Variants in CMTM1 observed in about 807,000 individuals in gnomAD.
The protein encoded by CMTM1 is CKLF like MARVEL transmembrane domain containing 1.
CMTM1 carries 16 observed loss-of-function variants against 17.8 expected under a neutral mutation model. That is an observed-to-expected ratio of 0.90 (90% CI 0.61 to 1.37). The LOEUF (loss-of-function observed/expected upper bound fraction) is 1.37. Among genes scored for constraint, CMTM1 ranks in the 40% most tolerant of loss-of-function variants. CMTM1 has a pLI of 0.00. For synonymous variants in CMTM1, 169 were observed against 154.6 expected (o/e 1.09, Z -0.69); for missense variants, 354 against 375.6 (o/e 0.94, Z 0.47).
intron 2 of CMTM1, among the ~76,000 whole-genome samples, chr16:66,576,746 C>G (rs62057870): frequency 1.3e-5 from 2 of 152,106 alleles, no homozygotes; most frequent in African/African-American, 4.8e-5. Context: ...TATAAGACTT[C>G]CCAAAAAAAA....
rs763218044 is a variant in CMTM1 at position 66,566,822 on chromosome 16, A to ACT, written c.312_313dup (p.Leu105SerfsTer2). ...CGCCCTCTGCACACACTGAATCCAA[A>ACT]CTCTTAAATGAGATGGCGATCAAAG... is the stretch of plus-strand genomic sequence containing the variant. On this transcript the variant is annotated frameshift_variant, in exon 1 of 4. Transcript: ENST00000379500. LOFTEE classifies it high-confidence loss of function. This position sits in a 1 kb window ranked among gnomAD's most constrained non-coding sequence, Gnocchi z 4.9. The ACT allele has an allele frequency of 9.9e-6, 16 of 1,612,080 alleles. No individual in the cohort carries two copies. The East Asian group carries it at 3.1e-4, about 32-fold the overall frequency.
chr16:66,575,922 A>G (rs1287050982), intron 2 of CMTM1, among the ~76,000 whole-genome samples: 1 of 152,222 alleles, frequency 6.6e-6, no homozygotes, highest in Non-Finnish European at 1.5e-5. Context: ...TATTGTGGTT[A>G]TGTCCTCTGG....
Position 66,569,937 on chromosome 16 carries a change from GTCTTA to G in CMTM1, c.440_444del (p.Ile147ArgfsTer13), listed in dbSNP as rs748162727. 22 of 1,592,746 alleles carry G rather than the reference GTCTTA, an allele frequency of 1.4e-5. No homozygotes were observed. In the Admixed American group the frequency reaches 2.6e-4, roughly 19 times the overall value. ...CAAATCCTGTTTCTTTTATTGCAGA[GTCTTA>G]TCTTAGGAGCATTAGCTTGTTTCAT... On this transcript the variant is annotated frameshift_variant and splice_region_variant, in exon 2 of 4. Transcript: ENST00000379500. LOFTEE classifies it high-confidence loss of function.
chr16:66,567,315 A>G (rs1354201690), intron 1 of CMTM1: 2 of 313,728 alleles, frequency 6.4e-6, no homozygotes, highest in Non-Finnish European at 6.1e-6. Flanking sequence ...CTAGTCCCCC[A>G]CTCCCTACAG....
chr16:66,578,468 C>G (rs901003964), intron 3 of CMTM1, among the ~76,000 whole-genome samples: 1 of 152,158 alleles, frequency 6.6e-6, no homozygotes, highest in Non-Finnish European at 1.5e-5. Context: ...CTTAGGAACT[C>G]CTTCCTGCCC....
intron 2 of CMTM1, chr16:66,571,079 T>A: frequency 2.3e-6 from 1 of 442,330 alleles, no homozygotes. Context: ...ACTCAAACAT[T>A]GTCTTCAAAT....
chr16:66,569,583 CTG>C (rs2013177246), intron 1 of CMTM1, among the ~76,000 whole-genome samples: 1 of 152,168 alleles, frequency 6.6e-6, no homozygotes. Flanking sequence ...AGAAAGAAAA[CTG>C]AGGCTCTTCC....
chr16:66,577,756 G>A (rs2014424611), intron 3 of CMTM1, among the ~76,000 whole-genome samples: 1 of 152,200 alleles, frequency 6.6e-6, no homozygotes, highest in Non-Finnish European at 1.5e-5. Flanking sequence ...TAAATACCTT[G>A]CTCTGGGCCA....
chr16:66,570,196 A>G lies in CMTM1; in HGVS notation c.591+102A>G, dbSNP rs577182280. On this transcript the variant is annotated intron_variant, in intron 2 of 3. Transcript: ENST00000379500. ...AACAACGGAGCTATCTCTCTAGACAAGGACATAGCTGAGCTGTGACAGTTA... is the reference window on the plus strand; with the variant it reads ...AACAACGGAGCTATCTCTCTAGACAGGGACATAGCTGAGCTGTGACAGTTA... 5.5e-5 allele frequency: 51 copies of G among 919,402 alleles called. No homozygotes were observed. The Middle Eastern group carries it at 6.8e-4, about 12-fold the overall frequency. 57.0% of individuals were successfully genotyped at this position (919,402 alleles called of 1,614,324 possible).
Position 66,566,973 on chromosome 16 carries a change from T to C in CMTM1, c.432+28T>C. On this transcript the variant is annotated intron_variant, in intron 1 of 3. Coordinates refer to ENST00000379500, the MANE Select transcript of CMTM1 (RefSeq NM_052999.4). The surrounding 1 kb of genome is among the most constrained non-coding windows in gnomAD (Gnocchi z 4.9). ...GAGCGGAGAGCTGGTGAGACCTAGC[T>C]GGGCGGATGTGGCCGGCAGTGGCCT... 20 of 1,613,180 alleles carry C rather than the reference T, an allele frequency of 1.2e-5. No individual in the cohort carries two copies. The highest frequency in any genetic ancestry group is 1.1e-4 in the African/African-American group (8 of 75,004).
At chr16:66,570,217 A>C (rs1324419486) in intron 2 of CMTM1, 123 bp downstream of exon 2, 5 of 773,086 alleles carry the variant, frequency 6.5e-6, no homozygotes, top group African/African-American at 1.8e-5. Context: ...GAGCTGTGAC[A>C]GTTAGGGTGT....
chr16:66,568,715 G>A (rs539223489), intron 1 of CMTM1, among the ~76,000 whole-genome samples: 4 of 151,992 alleles, frequency 2.6e-5, no homozygotes, highest in South Asian at 2.1e-4. Context: ...GTGAAACCCC[G>A]TCTCTACTAA....
In CMTM1 at chr16:66,566,464, C is replaced by T. The variant is rs745968002; in HGVS notation, c.-50C>T. Reference sequence around the variant, plus strand: ...GCGACGCTGGTTCCCAGGGGAGAGCCAGCCGCTGCCGCGGCACTGGTTCAG... The same window carrying T: ...GCGACGCTGGTTCCCAGGGGAGAGCTAGCCGCTGCCGCGGCACTGGTTCAG... On this transcript the variant is annotated 5_prime_UTR_variant, in exon 1 of 4. Coordinates refer to ENST00000379500, the MANE Select transcript of CMTM1 (RefSeq NM_052999.4). The surrounding 1 kb of genome is among the most constrained non-coding windows in gnomAD (Gnocchi z 4.9). The T allele has an allele frequency of 6.6e-7, 1 of 1,514,668 alleles. No homozygotes were observed. The highest frequency in any genetic ancestry group is 8.8e-7 in the Non-Finnish European group (1 of 1,134,488). The allele number at this position is 1,514,668 out of a possible 1,614,324, so 93.8% of individuals were successfully genotyped here.
chr16:66,568,148 C>T (rs1028682235), intron 1 of CMTM1, among the ~76,000 whole-genome samples: 1 of 152,056 alleles, frequency 6.6e-6, no homozygotes. Flanking sequence ...AAAAAGAAAA[C>T]GAAGTAGAGA....
chr16:66,579,053 G>A lies in CMTM1; in HGVS notation c.*52G>A, dbSNP rs769712526. The A allele has an allele frequency of 3.1e-6, 5 of 1,592,040 alleles. No individual in the cohort carries two copies. The South Asian group carries it at 3.4e-5, about 11-fold the overall frequency. ...ACGTGTCTGTCGAATCGCTGCCTCC[G>A]AGCCCACCCCCGAGCTCGCATGCTG... On this transcript the variant is annotated 3_prime_UTR_variant, in exon 4 of 4. Transcript: ENST00000379500. This position sits in a 1 kb window ranked among gnomAD's most constrained non-coding sequence, Gnocchi z 6.5.
At chr16:66,574,331 AG>A (rs2013965057) in intron 2 of CMTM1, among the ~76,000 whole-genome samples, 1 of 152,190 alleles carries the variant, frequency 6.6e-6, no homozygotes, top group Non-Finnish European at 1.5e-5. Context: ...GGCAAATAAG[AG>A]AGTCTGTGTC....
intron 2 of CMTM1, chr16:66,571,177 C>A (rs1350810214): frequency 4.4e-6 from 2 of 457,240 alleles, no homozygotes; most frequent in Non-Finnish European, 8.8e-6. Context: ...ATATGAGCAA[C>A]TTTAATTGAA....
chr16:66,570,600 AC>A (rs1200760183), intron 2 of CMTM1, among the ~76,000 whole-genome samples: 1 of 152,174 alleles, frequency 6.6e-6, no homozygotes, highest in African/African-American at 2.4e-5. Flanking sequence ...AAAAGACATT[AC>A]AGAGCCTTCT....
At chr16:66,568,729 T>A (rs1223202391) in intron 1 of CMTM1, among the ~76,000 whole-genome samples, 1 of 151,874 alleles carries the variant, frequency 6.6e-6, no homozygotes, top group Non-Finnish European at 1.5e-5. Context: ...CTACTAAAAA[T>A]TCAAAAATTA....
Sources: gnomAD v4.1 joint callset for allele counts (sites outside exome capture counted in the v4.1 genomes callset) on GRCh38, gnomAD v4.1.1 for gene constraint, Gnocchi (gnomAD v3.1) non-coding constraint, MANE v1.5 for transcripts, NCBI Gene and HGNC (gene_info 2026-07-23, HGNC 2026-07-21) for gene names.